SPRTN: variants seen among roughly 807,000 people sequenced by gnomAD.
The protein encoded by SPRTN is DNA-dependent metalloprotease SPRTN.
A neutral mutation model predicts 31.9 loss-of-function variants in SPRTN; 11 were observed. The ratio of observed to expected loss-of-function variants is 0.34; its 90% confidence interval spans 0.22 to 0.57. The LOEUF is 0.57. Among genes scored for constraint, SPRTN ranks in the 20% least tolerant of loss-of-function variants. SPRTN has a pLI of 0.86. For synonymous variants in SPRTN, 185 were observed against 212.1 expected, an observed-to-expected ratio of 0.87 and a Z score of 1.11; for missense variants, 482 against 590.1, an observed-to-expected ratio of 0.82 and a Z score of 1.90.
Position 231,339,395 on chromosome 1 carries a change from T to C in SPRTN, c.222-374T>C, listed in dbSNP as rs1458112116. ...GCAGAATAGGATTGCCTTTGAGCTG[T>C]TGCAGCCTAGCTAGGGCAAGGGGAG... is the stretch of plus-strand genomic sequence containing the variant. On this transcript the variant is annotated intron_variant, in intron 1 of 4. Transcript: ENST00000295050. 2.2e-5 allele frequency: 10 copies of C among 457,520 alleles called. No homozygotes were observed. The Admixed American group carries it at 3.6e-4, about 17-fold the overall frequency. 28.3% of individuals were successfully genotyped at this position (457,520 alleles called of 1,614,324 possible). A position where few individuals can be genotyped will look rare whatever the true frequency, so the allele number is the denominator to read the frequency against.
At position 231,353,573 on chromosome 1, in the gene SPRTN, A is replaced by G. The variant is rs965510807; in HGVS notation, c.*212A>G. On this transcript the variant is annotated 3_prime_UTR_variant, in exon 5 of 5. Transcript: ENST00000295050. ...TGCTACATTCACTCTTGCCTTAGGTATACTGTAACCCAGGTTCTGCCTGTC... is the reference window on the plus strand; with the variant it reads ...TGCTACATTCACTCTTGCCTTAGGTGTACTGTAACCCAGGTTCTGCCTGTC... 6 of 1,238,354 alleles carry G rather than the reference A, an allele frequency of 4.8e-6. No homozygotes were observed. The highest frequency in any genetic ancestry group is 7.7e-5 in the Admixed American group (2 of 25,832). 76.7% of individuals were successfully genotyped at this position (1,238,354 alleles called of 1,614,324 possible). A position where few individuals can be genotyped will look rare whatever the true frequency, so the allele number is the denominator to read the frequency against.
chr1:231,351,239 T>C, intron 3 of SPRTN, 65 bp from the exon 4 acceptor site: 2 of 1,328,672 alleles, frequency 1.5e-6, no homozygotes, highest in Non-Finnish European at 1.9e-6. Context: ...AGACTGCTTA[T>C]GTAAATTGTT....
In SPRTN at chr1:231,353,244, C is replaced by T. The variant is rs780845237; in HGVS notation, c.1353C>T (p.Ser451=). The part of the protein sequence containing the change: ...AQNSSSSSSQ[S]KMVNCPVCQN... ...ATTCCAGCAGTTCATCCAGTCAGAG[C>T]AAAATGGTTAATTGCCCAGTTTGTC... The change falls in exon 5 of 5, where the codon AGC becomes AGT. Residue 451 remains serine (S), a synonymous_variant. Transcript: ENST00000295050. The T allele has an allele frequency of 2.5e-6, 4 of 1,614,064 alleles. No homozygotes were observed. Among genetic ancestry groups the T allele is most frequent in the Non-Finnish European group, 3.4e-6 (4 of 1,179,974 alleles).
intron 2 of SPRTN, among the ~76,000 whole-genome samples, chr1:231,342,051 T>C (rs1301226556): frequency 6.6e-6 from 1 of 152,144 alleles, no homozygotes; most frequent in Non-Finnish European, 1.5e-5. Flanking sequence ...GTGCTGGGAT[T>C]ACAGGTGTCA....
chr1:231,349,321 A>G (rs1687153010), intron 3 of SPRTN, among the ~76,000 whole-genome samples: 1 of 152,134 alleles, frequency 6.6e-6, no homozygotes, highest in Non-Finnish European at 1.5e-5. Context: ...TTAATTTTCT[A>G]AAGACTTCAT....
At chr1:231,339,651 G>T in intron 1 of SPRTN, 118 bp from the exon 2 acceptor site, 1 of 1,017,986 alleles carries the variant, frequency 9.8e-7, no homozygotes, top group East Asian at 2.4e-5. Flanking sequence ...CTAACCAAGG[G>T]GGGTATACTT....
chr1:231,346,388 G>A (rs1010689216), intron 2 of SPRTN, among the ~76,000 whole-genome samples: 3 of 144,412 alleles, frequency 2.1e-5, no homozygotes, highest in Non-Finnish European at 4.5e-5. Flanking sequence ...TTGTATTTTA[G>A]TAGAGACAGG....
rs1482466335 is a variant in SPRTN at position 231,338,335 on chromosome 1, TG to T, written c.-45del. ...AGGCGGCTTGGGGTCGCGGCGTAAC[TG>T]GGGAGCCAGCCTGACGCCGGCGGAC... is the stretch of plus-strand genomic sequence containing the variant. On this transcript the variant is annotated 5_prime_UTR_variant, in exon 1 of 5. Coordinates refer to ENST00000295050, the MANE Select transcript of SPRTN (RefSeq NM_032018.7). The T allele has an allele frequency of 3.7e-5, 59 of 1,602,096 alleles. No individual in the cohort carries two copies. The highest frequency in any genetic ancestry group is 4.9e-5 in the Non-Finnish European group (58 of 1,172,632).
chr1:231,342,493 T>C (rs938804548), intron 2 of SPRTN, among the ~76,000 whole-genome samples: 7 of 151,122 alleles, frequency 4.6e-5, no homozygotes, highest in Non-Finnish European at 7.4e-5. Context: ...TGCAATGATA[T>C]GATCTCGGCT....
At chr1:231,339,954 T>A in intron 2 of SPRTN, 86 bp downstream of exon 2, 1 of 1,324,822 alleles carries the variant, frequency 7.5e-7, no homozygotes, top group Non-Finnish European at 1.1e-6. Context: ...CGCCTGTATG[T>A]ATCGTTAAAA....
chr1:231,344,471 C>T (rs1273847518), intron 2 of SPRTN, among the ~76,000 whole-genome samples: 1 of 152,182 alleles, frequency 6.6e-6, no homozygotes, highest in Non-Finnish European at 1.5e-5. Context: ...CATGCCACTG[C>T]ACTCCAGTCT....
chr1:231,338,635 C>A (rs1442765625), intron 1 of SPRTN, 31 bp downstream of exon 1: 8 of 1,611,224 alleles, frequency 5.0e-6, no homozygotes, highest in Non-Finnish European at 6.8e-6. Context: ...GGGAAAGAGG[C>A]GGGACTGGCA....
intron 2 of SPRTN, among the ~76,000 whole-genome samples, chr1:231,341,644 A>G (rs1686893571): frequency 6.6e-6 from 1 of 152,228 alleles, no homozygotes; most frequent in Non-Finnish European, 1.5e-5. Flanking sequence ...TCCAAAAGTA[A>G]TAACATAACT....
chr1:231,348,292 C>A (rs933715695), intron 3 of SPRTN, among the ~76,000 whole-genome samples: 5 of 152,164 alleles, frequency 3.3e-5, no homozygotes, highest in African/African-American at 1.2e-4. Flanking sequence ...CAGAATTCTT[C>A]TTTGATTCAT....
chr1:231,351,227 A>AT, intron 3 of SPRTN, 77 bp from the exon 4 acceptor site: 3 of 1,225,726 alleles, frequency 2.4e-6, no homozygotes, highest in Non-Finnish European at 3.1e-6. Context: ...AAAAAAAAAA[A>AT]AAGACTGCTT....
At chr1:231,344,849 G>A in intron 2 of SPRTN, 1 of 220,268 alleles carries the variant, frequency 4.5e-6, no homozygotes, top group South Asian at 6.8e-5. Flanking sequence ...GGAATGAGCA[G>A]TAGGTTTTAG....
In SPRTN at chr1:231,351,463, A is replaced by G; in HGVS notation, c.610A>G (p.Thr204Ala). 1 of 1,614,156 alleles carries G rather than the reference A, an allele frequency of 6.2e-7. No individual in the cohort carries two copies. Among genetic ancestry groups the G allele is most frequent in the East Asian group, 2.2e-5 (1 of 44,888 alleles). Reference protein sequence around the residue: ...HDYWWAEHQKTCGGTYIKIKE... With the variant: ...HDYWWAEHQKACGGTYIKIKE... Reference sequence around the variant, plus strand: ...CTATTGGTGGGCTGAGCACCAGAAAACCTGTGGAGGCACTTACATAAAAAT... The same window carrying G: ...CTATTGGTGGGCTGAGCACCAGAAAGCCTGTGGAGGCACTTACATAAAAAT... The change falls in exon 4 of 5, where the codon ACC becomes GCC. Residue 204 changes from threonine to alanine, a missense_variant. Physicochemically the swap from Thr to Ala is moderately conservative, Grantham distance 58. Coordinates refer to ENST00000295050, the MANE Select transcript of SPRTN (RefSeq NM_032018.7).
At position 231,346,821 on chromosome 1, in the gene SPRTN, A is replaced by C. The variant is rs369658286; in HGVS notation, c.322-976A>C. 1.2e-4 allele frequency among the ~76,000 whole-genome samples: 19 copies of C among 152,228 alleles called. 1 individual carries two copies. In the East Asian group the frequency reaches 1.7e-3, roughly 14 times the overall value. Reference sequence around the variant, plus strand: ...GCCAGGCATGGTGGTGCACACCTGTAGTGCCAGCTACTCAGGAGGCTGAGG... The same window carrying C: ...GCCAGGCATGGTGGTGCACACCTGTCGTGCCAGCTACTCAGGAGGCTGAGG... On this transcript the variant is annotated intron_variant, in intron 2 of 4. Transcript: ENST00000295050.
Position 231,352,669 on chromosome 1 carries a change from C to T in SPRTN, c.778C>T (p.Leu260=), listed in dbSNP as rs762633748. ...VIPFSGKGYV[L]GETSNLPSPG... Reference sequence around the variant, plus strand: ...CCCTTTTAGTGGGAAAGGATATGTTCTAGGAGAAACAAGCAATTTACCTTC... The same window carrying T: ...CCCTTTTAGTGGGAAAGGATATGTTTTAGGAGAAACAAGCAATTTACCTTC... The change falls in exon 5 of 5, where the codon CTA becomes TTA. Residue 260 remains leucine, a synonymous_variant. Transcript: ENST00000295050. 1.2e-6 allele frequency: 2 copies of T among 1,613,524 alleles called. No homozygotes were observed. The highest frequency in any genetic ancestry group is 1.7e-6 in the Non-Finnish European group (2 of 1,179,760).
Sources: gnomAD v4.1 joint callset for allele counts (sites outside exome capture counted in the v4.1 genomes callset) on GRCh38, gnomAD v4.1.1 for gene constraint, MANE v1.5 for transcripts, NCBI Gene and HGNC (gene_info 2026-07-23, HGNC 2026-07-21) for gene names.